Variants in SMG1 observed in about 807,000 individuals in gnomAD.
SMG1 encodes SMG1 nonsense mediated mRNA decay associated PI3K related kinase.
Under a neutral mutation model 419.9 loss-of-function variants are expected in SMG1, and 22 were observed. The observed-to-expected ratio is 0.05, with a 90% CI of 0.04 to 0.07. The LOEUF (loss-of-function observed/expected upper bound fraction) is 0.07. Among genes scored for constraint, SMG1 ranks in the 10% least tolerant of loss-of-function variants. The pLI is 1.00. For synonymous variants in SMG1, 1,538 were observed against 1,553.5 expected (o/e 0.99, Z 0.23); for missense variants, 3,185 against 4,342.0 (o/e 0.73, Z 7.49).
chr16:18,835,305 T>G (rs1454734797), intron 48 of SMG1, 141 bp from the exon 49 acceptor site: 6 of 937,006 alleles, frequency 6.4e-6, no homozygotes, highest in Non-Finnish European at 3.1e-6. Context: ...CTCAAGAGCT[T>G]AAGCAATTTC....
chr16:18,857,390 C>A (rs2034972064), intron 29 of SMG1: 1 of 152,136 alleles, frequency 6.6e-6, no homozygotes, highest in African/African-American at 2.4e-5. Flanking sequence ...ATTCATAGCG[C>A]ATTTTACGTG....
At chr16:18,812,794 A>G (rs1219822030) in intron 60 of SMG1, among the ~76,000 whole-genome samples, 1 of 152,052 alleles carries the variant, frequency 6.6e-6, no homozygotes, top group Non-Finnish European at 1.5e-5. Context: ...TACATTAGGT[A>G]TATCTCCTAA....
rs759744665 is a variant in SMG1 at position 18,816,402 on chromosome 16, C to A, written c.10202G>T (p.Cys3401Phe). ...TEKEQQIETV[C>F]ETIQNLVDNI... Reference sequence around the variant, plus strand: ...ATCAACCAGATTCTGAATTGTTTCACAGACCGTTTCTATCTGCTGCTCTTT... The same window carrying A: ...ATCAACCAGATTCTGAATTGTTTCAAAGACCGTTTCTATCTGCTGCTCTTT... Residue 3401 changes from cysteine (C) to phenylalanine (F), a missense_variant, in exon 58 of 63, where the codon TGT becomes TTT. Transcript: ENST00000446231. 3 of 1,613,906 alleles carry A rather than the reference C, an allele frequency of 1.9e-6. No individual in the cohort carries two copies. The highest frequency in any genetic ancestry group is 1.7e-6 in the Non-Finnish European group (2 of 1,179,846).
intron 57 of SMG1, among the ~76,000 whole-genome samples, 171 bp downstream of exon 57, chr16:18,817,120 G>A (rs1447964698): frequency 1.5e-4 from 1 of 6,458 alleles, no homozygotes. Flanking sequence ...TTTCGGGGCG[G>A]GGGGGGGGGC....
intron 11 of SMG1, chr16:18,877,949 G>C (rs1434305900): frequency 6.6e-6 from 1 of 152,156 alleles, no homozygotes; most frequent in African/African-American, 2.4e-5. Context: ...GGAGATGAAA[G>C]GATAGCAAAG....
intron 31 of SMG1, 140 bp from the exon 32 acceptor site, chr16:18,852,602 C>G: frequency 1.6e-6 from 1 of 635,956 alleles, no homozygotes. Context: ...CTGTACATAA[C>G]TTGAGAAGGC....
At chr16:18,890,954 A>C in intron 4 of SMG1, 33 bp from the exon 5 acceptor site, 1 of 998,006 alleles carries the variant, frequency 1.0e-6, no homozygotes, top group South Asian at 1.3e-5. Context: ...AAAAACTTCA[A>C]ATTCCTATAC....
At chr16:18,883,918 CAAAA>C (rs66595727) in intron 9 of SMG1, among the ~76,000 whole-genome samples, 148 bp downstream of exon 9, 1 of 96,924 alleles carries the variant, frequency 1.0e-5, no homozygotes, top group Non-Finnish European at 2.2e-5. Flanking sequence ...GACTCCATCT[CAAAA>C]AAAAAAAAAA....
Position 18,850,048 on chromosome 16 carries a change from C to T in SMG1, c.5362G>A (p.Ala1788Thr). The T allele has an allele frequency of 1.2e-6, 2 of 1,613,992 alleles. No individual in the cohort carries two copies. Among genetic ancestry groups the T allele is most frequent in the Non-Finnish European group, 1.7e-6 (2 of 1,179,892 alleles). The stretch of plus-strand genomic sequence containing the variant: ...AGCAACCGCAGCAGGCGCAATGTGG[C>T]CATCACAATCATGTCATCAGTGCTC... ...EQSTDDMIVM[A>T]TLRLLRLLVK... is the part of the protein sequence containing the mutation. The change falls in exon 35 of 63, where the codon GCC (alanine) becomes ACC (threonine). Residue 1788 changes from alanine (A) to threonine (T), a missense_variant. Transcript: ENST00000446231.
At chr16:18,891,435 TTC>T (rs1475585257) in intron 4 of SMG1, among the ~76,000 whole-genome samples, 3 of 136,688 alleles carry the variant, frequency 2.2e-5, no homozygotes, top group Admixed American at 7.4e-5. Flanking sequence ...CATTATCAAG[TTC>T]TTTTTTTTTT....
Position 18,869,887 on chromosome 16 carries a change from C to G in SMG1, c.2600G>C (p.Ser867Thr), listed in dbSNP as rs771035609. The change falls in exon 19 of 63, where the codon AGT (serine) becomes ACT (threonine). Residue 867 changes from serine to threonine, a missense_variant. By Grantham distance (58) the Ser-to-Thr change is moderately conservative. Transcript: ENST00000446231. ...FHPQDFSDVISFILYGNSHRT... is the reference protein window; with the variant it reads ...FHPQDFSDVITFILYGNSHRT... ...ATGAGAGTTCCCATACAAAATAAAA[C>G]TAATAACATCAGAGAAATCTTGGGG... 2 of 1,577,088 alleles carry G rather than the reference C, an allele frequency of 1.3e-6. No individual in the cohort carries two copies. Among genetic ancestry groups the G allele is most frequent in the Non-Finnish European group, 1.7e-6 (2 of 1,161,990 alleles).
At chr16:18,812,873 A>T (rs985016793) in intron 60 of SMG1, among the ~76,000 whole-genome samples, 9 of 151,918 alleles carry the variant, frequency 5.9e-5, no homozygotes, top group Admixed American at 1.3e-4. Flanking sequence ...CCTGTGTCCA[A>T]GTGTTCTCAT....
chr16:18,926,156 A>AAGGAGGAGGAGGAAGCCGAGAAGG lies in SMG1; in HGVS notation c.-116_-115insCCTTCTCGGCTTCCTCCTCCTCCT. On this transcript the variant is annotated 5_prime_UTR_variant, in exon 1 of 63. Coordinates refer to ENST00000446231, the MANE Select transcript of SMG1 (RefSeq NM_015092.5). ...GCCCGGGGCTGAGGAGGAAGCCGAG[A>AAGGAGGAGGAGGAAGCCGAGAAGG]AGGAGGAGGAGGAGGAGGAGGAGGA... is the stretch of plus-strand genomic sequence containing the variant. The AAGGAGGAGGAGGAAGCCGAGAAGG allele has an allele frequency of 1.5e-6, 1 of 674,622 alleles. No individual in the cohort carries two copies. Among genetic ancestry groups the AAGGAGGAGGAGGAAGCCGAGAAGG allele is most frequent in the Non-Finnish European group, 2.3e-6 (1 of 425,892 alleles). 41.8% of individuals were successfully genotyped at this position (674,622 alleles called of 1,614,324 possible).
Position 18,812,021 on chromosome 16 carries a change from G to A in SMG1, c.10728C>T (p.Ser3576=), listed in dbSNP as rs371831298. The change falls in exon 61 of 63, where the codon AGC becomes AGT. Residue 3576 remains serine, a synonymous_variant. Coordinates refer to ENST00000446231, the MANE Select transcript of SMG1 (RefSeq NM_015092.5). ...CACTCTTGCCAGTTCCTGGAACGGT[G>A]CTTGGTGGAGTATCAGCTGATGTAG... ...NLATSADTPP[S]TVPGTGKSVA... 1 of 1,613,996 alleles carries A rather than the reference G, an allele frequency of 6.2e-7. No individual in the cohort carries two copies. Among genetic ancestry groups the A allele is most frequent in the Non-Finnish European group, 8.5e-7 (1 of 1,179,884 alleles).
Position 18,895,981 on chromosome 16 carries a change from G to C in SMG1, c.412+71C>G, listed in dbSNP as rs2037106672. The stretch of plus-strand genomic sequence containing the variant: ...TGCCTGTGCAAGGCGTTAGTAAGAG[G>C]CATCCAGAATAAGAGGAGATACAAG... On this transcript the variant is annotated intron_variant, in intron 3 of 62. Transcript: ENST00000446231. The C allele has an allele frequency of 3.7e-6, 5 of 1,349,164 alleles. 1 individual carries two copies. The Middle Eastern group carries it at 1.0e-3, about 274-fold the overall frequency. 83.6% of individuals were successfully genotyped at this position (1,349,164 alleles called of 1,614,324 possible).
intron 60 of SMG1, among the ~76,000 whole-genome samples, chr16:18,812,434 T>G: frequency 6.6e-6 from 1 of 152,022 alleles, no homozygotes. Context: ...GGCGGATCAG[T>G]TGAGGTCAGG....
At chr16:18,812,944 T>C (rs2031613071) in intron 60 of SMG1, among the ~76,000 whole-genome samples, 1 of 152,138 alleles carries the variant, frequency 6.6e-6, no homozygotes, top group African/African-American at 2.4e-5. Context: ...CCTGCGATAG[T>C]TTGCTGAGAA....
chr16:18,838,758 T>TA (rs1410175751), intron 42 of SMG1, 69 bp from the exon 43 acceptor site: 1 of 998,520 alleles, frequency 1.0e-6, no homozygotes, highest in Admixed American at 2.3e-5. Context: ...ATGGACGTGA[T>TA]ACTATAAAAT....
At chr16:18,870,246 T>C (rs1191629984) in intron 18 of SMG1, among the ~76,000 whole-genome samples, 2 of 152,176 alleles carry the variant, frequency 1.3e-5, no homozygotes, top group Non-Finnish European at 1.5e-5. Flanking sequence ...ACCCAATCAT[T>C]ATGCTTATGT....
Sources: allele counts gnomAD v4.1 joint callset (sites outside exome capture counted in the v4.1 genomes callset), GRCh38; gene constraint gnomAD v4.1.1; transcripts MANE v1.5; gene names NCBI Gene and HGNC (gene_info 2026-07-23, HGNC 2026-07-21).